RO60: variants seen among roughly 807,000 people sequenced by gnomAD.
The protein encoded by RO60 is RNA-binding protein RO60.
RO60 carries 20 observed loss-of-function variants against 55.3 expected under a neutral mutation model. The ratio of observed to expected loss-of-function variants is 0.36; its 90% CI spans 0.25 to 0.53. The LOEUF (loss-of-function observed/expected upper bound fraction) is 0.53, where lower values mean the gene tolerates loss of function less well. Among genes scored for constraint, RO60 ranks in the 20% least tolerant of loss-of-function variants. The probability of loss-of-function intolerance (pLI) is 0.92; values close to 1 mark genes in which losing one functional copy is unlikely to be tolerated. For synonymous variants in RO60, 213 were observed against 213.6 expected, an observed-to-expected ratio of 1.00 and a Z score of 0.02; for missense variants, 558 against 646.6, an observed-to-expected ratio of 0.86 and a Z score of 1.49.
At chr1:193,081,643 T>C (rs1674319975) in intron 6 of RO60, among the ~76,000 whole-genome samples, 163 bp downstream of exon 6, 1 of 152,050 alleles carries the variant, frequency 6.6e-6, no homozygotes, top group Non-Finnish European at 1.5e-5. Flanking sequence ...AAAGCCAGAG[T>C]GTTAAGTGTG....
At chr1:193,072,998 A>G (rs1673628331) in intron 2 of RO60, among the ~76,000 whole-genome samples, 1 of 152,240 alleles carries the variant, frequency 6.6e-6, no homozygotes, top group South Asian at 2.1e-4. Context: ...ACTCTAAGCT[A>G]CAGAATTAAT....
chr1:193,062,686 C>T (rs1256186727), intron 1 of RO60, among the ~76,000 whole-genome samples: 1 of 152,178 alleles, frequency 6.6e-6, no homozygotes, highest in Non-Finnish European at 1.5e-5. Context: ...CAGTGTTCCC[C>T]CACTCCGACA....
At chr1:193,074,230 A>G (rs1440264873) in intron 2 of RO60, among the ~76,000 whole-genome samples, 1 of 152,204 alleles carries the variant, frequency 6.6e-6, no homozygotes, top group Admixed American at 6.5e-5. Context: ...AGCATGATTT[A>G]TAATCCTTTG....
chr1:193,070,227 C>G (rs780482457), intron 2 of RO60, among the ~76,000 whole-genome samples: 1 of 152,062 alleles, frequency 6.6e-6, no homozygotes, highest in South Asian at 2.1e-4. Flanking sequence ...ACCCACTGCT[C>G]TAGCCCATTC....
At chr1:193,072,224 G>A (rs1044108359) in intron 2 of RO60, among the ~76,000 whole-genome samples, 3 of 152,070 alleles carry the variant, frequency 2.0e-5, no homozygotes, top group Admixed American at 6.5e-5. Context: ...TGCTGGTCTC[G>A]AACTCCTGAC....
At chr1:193,069,955 A>G (rs1472929448) in intron 2 of RO60, among the ~76,000 whole-genome samples, 1 of 152,182 alleles carries the variant, frequency 6.6e-6, no homozygotes, top group African/African-American at 2.4e-5. Flanking sequence ...AAAAGTTGCA[A>G]TAAGCCTTGG....
rs1433103383 is a variant in RO60, at chr1:193,090,381, A to T, written c.*5650A>T. On this transcript the variant is annotated 3_prime_UTR_variant, in exon 9 of 9. Transcript: ENST00000400968. The stretch of plus-strand genomic sequence containing the variant: ...CCATACGTAGCCAAATTAGATTTAA[A>T]ATATACAATTAATGAATAGTACTCA... 2 of 151,896 alleles carry T rather than the reference A, an allele frequency of 1.3e-5. No individual in the cohort carries two copies. Among genetic ancestry groups the T allele is most frequent in the Non-Finnish European group, 2.9e-5 (2 of 67,976 alleles). 9.4% of individuals were successfully genotyped at this position (151,896 alleles called of 1,614,324 possible).
intron 1 of RO60, among the ~76,000 whole-genome samples, chr1:193,064,107 C>T (rs548166974): frequency 2.0e-5 from 3 of 152,154 alleles, no homozygotes; most frequent in Non-Finnish European, 4.4e-5. Flanking sequence ...GAAATGTGGG[C>T]ACATCACCTT....
Position 193,088,703 on chromosome 1 carries a change from A to G in RO60, c.*3972A>G, listed in dbSNP as rs1050171176. ...ATTGTTAAGGCACTATCCCCTCTGG[A>G]GAAATGTCATATGGCATCAGTGTAA... On this transcript the variant is annotated 3_prime_UTR_variant, in exon 9 of 9. Transcript: ENST00000400968. The G allele has an allele frequency of 3.3e-5, 5 of 152,174 alleles. No homozygotes were observed. Among genetic ancestry groups the G allele is most frequent in the Non-Finnish European group, 5.9e-5 (4 of 68,006 alleles). 9.4% of individuals were successfully genotyped at this position (152,174 alleles called of 1,614,324 possible). A position where few individuals can be genotyped will look rare whatever the true frequency, so the allele number is the denominator to read the frequency against.
intron 2 of RO60, among the ~76,000 whole-genome samples, chr1:193,075,380 GT>G (rs2103051945): frequency 6.8e-6 from 1 of 146,464 alleles, no homozygotes; most frequent in East Asian, 2.0e-4. Context: ...TATTTCTGCT[GT>G]TTTTGTAAAT....
chr1:193,075,843 A>G lies in RO60; in HGVS notation c.604A>G (p.Ile202Val). 6.2e-7 allele frequency: 1 copy of G among 1,607,392 alleles called. No homozygotes were observed. Among genetic ancestry groups the G allele is most frequent in the Non-Finnish European group, 8.5e-7 (1 of 1,177,896 alleles). The change falls in exon 3 of 9, where the codon ATT (isoleucine) becomes GTT (valine). Residue 202 changes from isoleucine to valine, a missense_variant. Transcript: ENST00000400968. ...AGGACTTGCAATTGTGACCAAATAT[A>G]TTACAAAGGGCTGGAAAGAAGTTCA... ...SEGLAIVTKY[I>V]TKGWKEVHEL...
At chr1:193,067,395 A>C (rs1328538305) in intron 1 of RO60, among the ~76,000 whole-genome samples, 1 of 151,680 alleles carries the variant, frequency 6.6e-6, no homozygotes, top group African/African-American at 2.4e-5. Flanking sequence ...TCACCATTTT[A>C]GTCAGAATGG....
Position 193,085,202 on chromosome 1 carries a change from T to C in RO60, c.*471T>C. ...AAATATGAAACTCATCTGTAAACTT[T>C]TATACCAAGGGGGTAAAAAAAAAAA... is the stretch of plus-strand genomic sequence containing the variant. On this transcript the variant is annotated 3_prime_UTR_variant, in exon 9 of 9. Coordinates refer to ENST00000400968, the MANE Select transcript of RO60 (RefSeq NM_001173524.2). The C allele has an allele frequency of 8.3e-7, 1 of 1,206,352 alleles. No homozygotes were observed. The highest frequency in any genetic ancestry group is 1.0e-6 in the Non-Finnish European group (1 of 969,102). 74.7% of individuals were successfully genotyped at this position (1,206,352 alleles called of 1,614,324 possible).
chr1:193,063,075 A>G (rs1192300127), intron 1 of RO60, among the ~76,000 whole-genome samples: 1 of 152,206 alleles, frequency 6.6e-6, no homozygotes, highest in East Asian at 1.9e-4. Flanking sequence ...TATGCTAACT[A>G]TATTTAACCT....
At chr1:193,071,830 A>G (rs890528015) in intron 2 of RO60, among the ~76,000 whole-genome samples, 4 of 133,484 alleles carry the variant, frequency 3.0e-5, no homozygotes, top group Non-Finnish European at 6.6e-5. Flanking sequence ...ATATACATAT[A>G]TATACCTATA....
At chr1:193,062,205 C>G (rs531522100) in intron 1 of RO60, among the ~76,000 whole-genome samples, 3 of 152,154 alleles carry the variant, frequency 2.0e-5, no homozygotes, top group Admixed American at 2.0e-4. Flanking sequence ...TAACTGATGA[C>G]CAGGTTCTGA....
chr1:193,087,734 T>A lies in RO60; in HGVS notation c.*3003T>A, dbSNP rs1674677879. The A allele has an allele frequency of 6.6e-6, 1 of 151,966 alleles. No individual in the cohort carries two copies. Among genetic ancestry groups the A allele is most frequent in the Non-Finnish European group, 1.5e-5 (1 of 67,976 alleles). 9.4% of individuals were successfully genotyped at this position (151,966 alleles called of 1,614,324 possible). On this transcript the variant is annotated 3_prime_UTR_variant, in exon 9 of 9. Coordinates refer to ENST00000400968, the MANE Select transcript of RO60 (RefSeq NM_001173524.2). ...TTGAAACTGGGAAGAGGGCTTGCAATACAAGTTAGAATTCTTTTTTTTTTT... is the reference window on the plus strand; with the variant it reads ...TTGAAACTGGGAAGAGGGCTTGCAAAACAAGTTAGAATTCTTTTTTTTTTT...
At position 193,085,125 on chromosome 1, in the gene RO60, C is replaced by G; in HGVS notation, c.*394C>G. On this transcript the variant is annotated 3_prime_UTR_variant, in exon 9 of 9. Transcript: ENST00000400968. The stretch of plus-strand genomic sequence containing the variant: ...AAATGTTTTCATTGGGAAAGGACAG[C>G]TTTGATAATGTCCAAATACTCTGAA... 2.1e-6 allele frequency: 3 copies of G among 1,419,166 alleles called. No individual in the cohort carries two copies. The highest frequency in any genetic ancestry group is 2.8e-6 in the Non-Finnish European group (3 of 1,087,922). The allele number at this position is 1,419,166 out of a possible 1,614,324, so 87.9% of individuals were successfully genotyped here.
At chr1:193,062,577 G>A (rs1017050089) in intron 1 of RO60, among the ~76,000 whole-genome samples, 1 of 151,976 alleles carries the variant, frequency 6.6e-6, no homozygotes, top group African/African-American at 2.4e-5. Context: ...CAGTGCATTG[G>A]GTTCTAGTAT....
Sources: allele counts gnomAD v4.1 joint callset (sites outside exome capture counted in the v4.1 genomes callset), GRCh38; gene constraint gnomAD v4.1.1; transcripts MANE v1.5; gene names NCBI Gene and HGNC (gene_info 2026-07-23, HGNC 2026-07-21).